RAB38: variants seen among roughly 807,000 people sequenced by gnomAD.
RAB38 encodes ras-related protein Rab-38.
Under a neutral mutation model 18.4 loss-of-function variants are expected in RAB38, and 15 were observed. The ratio of observed to expected loss-of-function variants is 0.82; its 90% CI spans 0.55 to 1.26. The LOEUF is 1.26. RAB38 is among the 50% of genes most tolerant of loss of function. The pLI, the probability that RAB38 is intolerant of heterozygous loss-of-function variation, is 0.00. For synonymous variants in RAB38, 101 were observed against 104.4 expected (o/e 0.97, Z 0.20); for missense variants, 294 against 267.4 (o/e 1.10, Z -0.69).
chr11:88,038,195 G>GT, the RAB38 span, among the ~76,000 whole-genome samples: 2 of 152,256 alleles, frequency 1.3e-5, no homozygotes, highest in East Asian at 3.9e-4. Context: ...ATGAGCTGGG[G>GT]TTTTCCCCAG....
chr11:88,028,399 G>C, the RAB38 span, among the ~76,000 whole-genome samples: 1 of 152,202 alleles, frequency 6.6e-6, no homozygotes, highest in Non-Finnish European at 1.5e-5. Context: ...GACAAGCTGA[G>C]AGAAGAAGGC....
chr11:87,827,434 A>G, the RAB38 span, among the ~76,000 whole-genome samples: 2 of 152,136 alleles, frequency 1.3e-5, no homozygotes, highest in African/African-American at 4.8e-5. Context: ...TGAGAATAAC[A>G]TGATTGATCA....
chr11:88,017,358 G>GACATAT, the RAB38 span, among the ~76,000 whole-genome samples: 1 of 76,784 alleles, frequency 1.3e-5, no homozygotes, highest in African/African-American at 6.4e-5. Flanking sequence ...ATAATATATA[G>GACATAT]ACACATACAC....
At chr11:87,893,785 C>T in the RAB38 span, among the ~76,000 whole-genome samples, 1 of 151,604 alleles carries the variant, frequency 6.6e-6, no homozygotes, top group Non-Finnish European at 1.5e-5. Context: ...CAGTATTTGT[C>T]CTTTCGTGAC....
the RAB38 span, among the ~76,000 whole-genome samples, chr11:87,957,492 G>T: frequency 6.6e-6 from 1 of 152,146 alleles, no homozygotes; most frequent in Non-Finnish European, 1.5e-5. Flanking sequence ...GATGAAAAAA[G>T]TGAAAAGTTG....
intron 1 of RAB38, among the ~76,000 whole-genome samples, chr11:88,169,795 TGA>T (rs1446468531): frequency 3.3e-5 from 5 of 152,236 alleles, no homozygotes; most frequent in African/African-American, 1.2e-4. Context: ...CTCTGCACCA[TGA>T]GAGTGTTCTG....
At chr11:88,077,869 C>A in the RAB38 span, among the ~76,000 whole-genome samples, 1 of 152,010 alleles carries the variant, frequency 6.6e-6, no homozygotes, top group Non-Finnish European at 1.5e-5. Context: ...TGATAACCCA[C>A]TGAATGGGGG....
the RAB38 span, among the ~76,000 whole-genome samples, chr11:87,956,266 A>C: frequency 6.6e-6 from 1 of 152,206 alleles, no homozygotes; most frequent in Non-Finnish European, 1.5e-5. Context: ...CTCAAACTAC[A>C]TCCAGCAAAT....
At chr11:88,084,070 T>G in the RAB38 span, among the ~76,000 whole-genome samples, 1 of 151,846 alleles carries the variant, frequency 6.6e-6, no homozygotes, top group Non-Finnish European at 1.5e-5. Context: ...AATGAATAAA[T>G]AAATGAATAG....
chr11:87,892,668 T>C, the RAB38 span, among the ~76,000 whole-genome samples: 152 of 151,950 alleles, frequency 1.0e-3, 1 homozygote, highest in African/African-American at 3.4e-3. Context: ...GAGGAATTGA[T>C]TTTTGACTTC....
intron 2 of RAB38, among the ~76,000 whole-genome samples, chr11:88,135,770 C>T (rs1010229258): frequency 3.3e-5 from 5 of 152,076 alleles, no homozygotes; most frequent in Admixed American, 6.5e-5. Flanking sequence ...GAGCCTTTTG[C>T]GATGGTATTT....
At chr11:88,107,347 TC>T in the RAB38 span, among the ~76,000 whole-genome samples, 2 of 152,072 alleles carry the variant, frequency 1.3e-5, no homozygotes, top group African/African-American at 4.8e-5. Flanking sequence ...TACCCTAGGG[TC>T]CCATATTTGA....
At chr11:88,019,503 CCAAG>C in the RAB38 span, among the ~76,000 whole-genome samples, 4 of 152,220 alleles carry the variant, frequency 2.6e-5, no homozygotes, top group South Asian at 8.3e-4. Context: ...CTCCTTAATC[CCAAG>C]CAATAAATGG....
the RAB38 span, among the ~76,000 whole-genome samples, chr11:87,813,024 G>A: frequency 6.6e-6 from 1 of 152,108 alleles, no homozygotes; most frequent in Non-Finnish European, 1.5e-5. Flanking sequence ...GAAAGATCCA[G>A]TGATTCTTAT....
intron 2 of RAB38, chr11:88,115,883 T>C (rs1942544340): frequency 6.6e-6 from 1 of 152,200 alleles, no homozygotes; most frequent in African/African-American, 2.4e-5. Context: ...ATAAAGATTA[T>C]GTTTTTTGTC....
the RAB38 span, among the ~76,000 whole-genome samples, chr11:88,027,755 GA>G: frequency 6.6e-6 from 1 of 152,240 alleles, no homozygotes; most frequent in Non-Finnish European, 1.5e-5. Context: ...ACAGCTCAAG[GA>G]GGCCTGCCTG....
intron 1 of RAB38, chr11:88,167,609 G>T (rs1342393270): frequency 1.3e-5 from 2 of 152,108 alleles, no homozygotes; most frequent in Non-Finnish European, 2.9e-5. Context: ...AGGTAGAAAA[G>T]ACAAAATTTA....
the RAB38 span, among the ~76,000 whole-genome samples, chr11:87,889,822 T>G: frequency 6.6e-6 from 1 of 150,956 alleles, no homozygotes; most frequent in African/African-American, 2.4e-5. Context: ...TTCTGTGTGG[T>G]TTTTTTTTGT....
chr11:87,860,024 T>G, the RAB38 span, among the ~76,000 whole-genome samples: 1 of 152,112 alleles, frequency 6.6e-6, no homozygotes, highest in Admixed American at 6.6e-5. Context: ...AGCCTAAAGC[T>G]CATGCTCCTC....
Sources: gnomAD v4.1 joint callset for allele counts (sites outside exome capture counted in the v4.1 genomes callset) on GRCh38, gnomAD v4.1.1 for gene constraint, MANE v1.5 for transcripts, NCBI Gene and HGNC (gene_info 2026-07-23, HGNC 2026-07-21) for gene names.